FAM228B: variants seen among roughly 807,000 people sequenced by gnomAD.
FAM228B encodes family with sequence similarity 228 member B.
FAM228B carries 38 observed loss-of-function variants against 42.6 expected under a neutral mutation model. The observed-to-expected ratio is 0.89, with a 90% CI of 0.69 to 1.17. The LOEUF is 1.17. Ranked by LOEUF, FAM228B falls within the 50% of genes most tolerant of loss-of-function variation. The pLI, the probability that FAM228B is intolerant of heterozygous loss-of-function variation, is 0.00. For missense variants in FAM228B, 344 were observed against 367.3 expected, an observed-to-expected ratio of 0.94 and a Z score of 0.52; for synonymous variants, 109 against 122.3, an observed-to-expected ratio of 0.89 and a Z score of 0.72.
At chr2:24,140,807 C>T (rs10204625) in intron 5 of FAM228B, among the ~76,000 whole-genome samples, 2 of 151,362 alleles carry the variant, frequency 1.3e-5, no homozygotes, top group Non-Finnish European at 2.9e-5. Flanking sequence ...ACTAAAAATA[C>T]AAAAATTAGC....
At chr2:24,106,837 A>G (rs1460264215) in intron 3 of FAM228B, among the ~76,000 whole-genome samples, 1 of 151,988 alleles carries the variant, frequency 6.6e-6, no homozygotes, top group Non-Finnish European at 1.5e-5. Flanking sequence ...ACACTTAAGT[A>G]GACAGACTAG....
chr2:24,114,545 G>A (rs148283672), intron 3 of FAM228B, among the ~76,000 whole-genome samples: 385 of 152,230 alleles, frequency 2.5e-3, no homozygotes, highest in African/African-American at 8.8e-3. Context: ...ACTTAACTAA[G>A]TAGTCATTAT....
chr2:24,106,726 C>T (rs1665706576), intron 3 of FAM228B, among the ~76,000 whole-genome samples: 1 of 151,900 alleles, frequency 6.6e-6, no homozygotes, highest in South Asian at 2.1e-4. Context: ...CAAGCAAATG[C>T]TGAGGGGATT....
intron 5 of FAM228B, among the ~76,000 whole-genome samples, chr2:24,143,886 G>A (rs781377007): frequency 1.1e-4 from 16 of 151,742 alleles, no homozygotes; most frequent in Admixed American, 2.0e-4. Context: ...GGTGGCTTAC[G>A]CCTGTAATCC....
At chr2:24,124,276 A>G in intron 1 of FAM228B, 54 bp from the exon 2 acceptor site, 1 of 900,694 alleles carries the variant, frequency 1.1e-6, no homozygotes. Context: ...TATTAAACAG[A>G]AGAGAAAATC....
At position 24,162,838 on chromosome 2, in the gene FAM228B, G is replaced by A. The variant is rs905755638; in HGVS notation, c.794+1225G>A. 2.6e-5 allele frequency among the ~76,000 whole-genome samples: 4 copies of A among 152,150 alleles called. No individual in the cohort carries two copies. In the East Asian group the frequency reaches 5.8e-4, roughly 22 times the overall value. Reference sequence around the variant, plus strand: ...AGCCAATAACAAAAAGCTACATATAGTATGTTTTTTTATACAAAATGTTCA... The same window carrying A: ...AGCCAATAACAAAAAGCTACATATAATATGTTTTTTTATACAAAATGTTCA... On this transcript the variant is annotated intron_variant, in intron 8 of 10. Coordinates refer to ENST00000615575, the MANE Select transcript of FAM228B (RefSeq NM_001145710.2).
chr2:24,078,581 A>AG, intron 1 of FAM228B, among the ~76,000 whole-genome samples: 1 of 152,254 alleles, frequency 6.6e-6, no homozygotes, highest in East Asian at 1.9e-4. Context: ...ATAGGAGCTA[A>AG]AGGGGGGTTA....
rs143325775 is a variant in FAM228B at position 24,131,351 on chromosome 2, C to G, written c.100-3768C>G. Among the ~76,000 whole-genome samples, 221 of 152,266 alleles carry G rather than the reference C, an allele frequency of 1.5e-3. 3 individuals are homozygous for G. The highest frequency in any genetic ancestry group is 3.7e-3 in the African/African-American group (155 of 41,554). ...CATATAAAATTTGAAGTAGTTTTCTCTAATTCTATGAAGAATGTCAATGGT... is the reference window on the plus strand; with the variant it reads ...CATATAAAATTTGAAGTAGTTTTCTGTAATTCTATGAAGAATGTCAATGGT... On this transcript the variant is annotated intron_variant, in intron 2 of 10. Coordinates refer to ENST00000615575, the MANE Select transcript of FAM228B (RefSeq NM_001145710.2).
upstream of FAM228B, chr2:24,119,744 G>A (rs904171576): frequency 6.7e-5 from 84 of 1,249,540 alleles, no homozygotes; most frequent in African/African-American, 1.2e-3. Flanking sequence ...CAGTGGTCAT[G>A]CTCCAGCTAC....
chr2:24,141,957 C>T (rs1666761350), intron 5 of FAM228B, among the ~76,000 whole-genome samples: 1 of 152,130 alleles, frequency 6.6e-6, no homozygotes, highest in Non-Finnish European at 1.5e-5. Context: ...TGCTGTGGCT[C>T]AGGTGCTGGC....
chr2:24,135,966 A>G (rs1424346), intron 3 of FAM228B, among the ~76,000 whole-genome samples: 129,309 of 130,258 alleles, frequency 0.99, 64,188 homozygotes, highest in East Asian at 1. Flanking sequence ...AAGGTCAGTT[A>G]TAGTGAAGGG....
chr2:24,129,084 G>A (rs911591401), intron 2 of FAM228B, among the ~76,000 whole-genome samples: 24 of 151,978 alleles, frequency 1.6e-4, no homozygotes, highest in African/African-American at 5.3e-4. Context: ...GGACCTCTGC[G>A]GTTGACCCTT....
rs578040485 is a variant in FAM228B, at chr2:24,138,143, C to G, written c.360+43C>G. On this transcript the variant is annotated intron_variant, in intron 4 of 10. Transcript: ENST00000615575. ...GATGCTTTTTTCAGTTGATTTAGAC[C>G]TAATGTCATCTTTGTTCATTTATAA... 1.5e-5 allele frequency: 21 copies of G among 1,379,780 alleles called. No homozygotes were observed. The Admixed American group carries it at 3.9e-4, about 26-fold the overall frequency. 85.5% of individuals were successfully genotyped at this position (1,379,780 alleles called of 1,614,324 possible). A position where few individuals can be genotyped will look rare whatever the true frequency, so the allele number is the denominator to read the frequency against.
At chr2:24,117,233 C>T (rs1354121230) in intron 3 of FAM228B, among the ~76,000 whole-genome samples, 1 of 152,052 alleles carries the variant, frequency 6.6e-6, no homozygotes, top group African/African-American at 2.4e-5. Context: ...CCAGGCTGGT[C>T]TCAAACTCCT....
intron 3 of FAM228B, among the ~76,000 whole-genome samples, chr2:24,135,731 A>G (rs963639185): frequency 6.6e-6 from 1 of 152,124 alleles, no homozygotes; most frequent in Non-Finnish European, 1.5e-5. Flanking sequence ...GACTCGGCCT[A>G]GCAGACCTCT....
At chr2:24,092,576 T>TA (rs1268129562) in intron 2 of FAM228B, among the ~76,000 whole-genome samples, 2 of 151,512 alleles carry the variant, frequency 1.3e-5, no homozygotes, top group Non-Finnish European at 2.9e-5. Flanking sequence ...CCTGTCTCCA[T>TA]AAAAAAAAGA....
At chr2:24,115,262 C>G in intron 3 of FAM228B, 2 of 279,012 alleles carry the variant, frequency 7.2e-6, no homozygotes, top group Non-Finnish European at 1.4e-5. Context: ...GTGGTGAGAG[C>G]CTTGCATTCT....
Position 24,077,784 on chromosome 2 carries a change from A to G in FAM228B, c.-290+815A>G. 1 of 1,601,940 alleles carries G rather than the reference A, an allele frequency of 6.2e-7. No individual in the cohort carries two copies. The highest frequency in any genetic ancestry group is 8.5e-7 in the Non-Finnish European group (1 of 1,172,458). ...GTACTAAGACAAGGGAAAGGAGATC[A>G]TCAGCCTGGGGAGAGAGCCTCACCC... is the stretch of plus-strand genomic sequence containing the variant. On this transcript the variant is annotated intron_variant, in intron 1 of 10. Coordinates refer to the FAM228B transcript ENST00000613899. This position sits in a 1 kb window ranked among gnomAD's most constrained non-coding sequence, Gnocchi z 5.5.
chr2:24,122,322 G>A (rs1370968841), upstream of FAM228B: 8 of 804,152 alleles, frequency 9.9e-6, no homozygotes, highest in Admixed American at 6.7e-5. Context: ...GTGAAATTCC[G>A]TCTCAAAAAA....
Sources: gnomAD v4.1 joint callset for allele counts (sites outside exome capture counted in the v4.1 genomes callset) on GRCh38, gnomAD v4.1.1 for gene constraint, Gnocchi (gnomAD v3.1) non-coding constraint, MANE v1.5 for transcripts, NCBI Gene and HGNC (gene_info 2026-07-23, HGNC 2026-07-21) for gene names.